The following NIBAN2 variants were observed in gnomAD, a reference collection of about 807,000 sequenced individuals.
The protein encoded by NIBAN2 is protein Niban 2.
NIBAN2 carries 36 observed loss-of-function variants against 81.8 expected under a neutral mutation model. The observed-to-expected ratio is 0.44, with a 90% CI of 0.34 to 0.58. The LOEUF is 0.58. Ranked by LOEUF, NIBAN2 falls within the 20% of genes least tolerant of loss-of-function variation. The probability of loss-of-function intolerance (pLI) is 0.02; values close to 1 mark genes in which losing one functional copy is unlikely to be tolerated. For synonymous variants in NIBAN2, 445 were observed against 441.6 expected (o/e 1.01, Z -0.10); for missense variants, 897 against 1,014.1 (o/e 0.88, Z 1.57).
At chr9:127,548,651 A>G (rs570708929) in intron 1 of NIBAN2, among the ~76,000 whole-genome samples, 1 of 152,120 alleles carries the variant, frequency 6.6e-6, no homozygotes, top group Non-Finnish European at 1.5e-5. Flanking sequence ...AGACATCCAG[A>G]TCGATGCTAA....
intron 1 of NIBAN2, among the ~76,000 whole-genome samples, chr9:127,541,183 AGGT>A (rs942977910): frequency 6.6e-6 from 1 of 152,210 alleles, no homozygotes; most frequent in African/African-American, 2.4e-5. Flanking sequence ...GGGTCCAGAA[AGGT>A]GGTGACACTC....
Position 127,509,070 on chromosome 9 carries a change from T to C in NIBAN2, c.1223A>G (p.Lys408Arg). Residue 408 changes from lysine (K) to arginine (R), a missense_variant, in exon 10 of 14, where the codon AAG becomes AGG. Lys to Arg is a conservative substitution (Grantham distance 26). Around this residue, in one of 3 missense-constraint regions of NIBAN2, gnomAD observed 619 missense variants for 691.0 expected, o/e 0.90. Transcript: ENST00000373312. Reference sequence around the variant, plus strand: ...CCCGTCCAGTCGCAGCGACTCCATCTTCTCATAGCAGCTCTGCATCTTCAG... The same window carrying C: ...CCCGTCCAGTCGCAGCGACTCCATCCTCTCATAGCAGCTCTGCATCTTCAG... Reference protein sequence around the residue: ...HPLKMQSCYEKMESLRLDGLQ... With the variant: ...HPLKMQSCYERMESLRLDGLQ... 5 of 1,613,748 alleles carry C rather than the reference T, an allele frequency of 3.1e-6. No homozygotes were observed. The highest frequency in any genetic ancestry group is 4.2e-6 in the Non-Finnish European group (5 of 1,179,930).
chr9:127,575,104 A>G (rs1171032508), intron 1 of NIBAN2, among the ~76,000 whole-genome samples: 2 of 152,188 alleles, frequency 1.3e-5, no homozygotes, highest in South Asian at 2.1e-4. Context: ...GACTCCAGAC[A>G]TGGCACTGGG....
intron 1 of NIBAN2, among the ~76,000 whole-genome samples, chr9:127,535,583 G>C (rs1837261170): frequency 6.6e-6 from 1 of 152,150 alleles, no homozygotes; most frequent in Non-Finnish European, 1.5e-5. Flanking sequence ...CCAGCGCAGT[G>C]CTGCCCACAG....
intron 2 of NIBAN2, among the ~76,000 whole-genome samples, chr9:127,530,281 G>A (rs535878487): frequency 2.0e-5 from 3 of 152,336 alleles, no homozygotes; most frequent in African/African-American, 7.2e-5. Flanking sequence ...GTGATGCTCT[G>A]AGCAGCTCCG....
At chr9:127,543,931 A>G (rs1365320772) in intron 1 of NIBAN2, among the ~76,000 whole-genome samples, 4 of 152,134 alleles carry the variant, frequency 2.6e-5, no homozygotes, top group Non-Finnish European at 5.9e-5. Context: ...TATAGTCAAC[A>G]TTGTTTCATT....
At chr9:127,552,022 T>G (rs1007097352) in intron 1 of NIBAN2, among the ~76,000 whole-genome samples, 2 of 152,138 alleles carry the variant, frequency 1.3e-5, no homozygotes, top group Admixed American at 1.3e-4. Context: ...CCCATGACTC[T>G]CCAGGTCTGG....
At chr9:127,546,872 G>A (rs1837480901) in intron 1 of NIBAN2, among the ~76,000 whole-genome samples, 2 of 151,980 alleles carry the variant, frequency 1.3e-5, no homozygotes, top group East Asian at 1.9e-4. Context: ...AGCACAGGAG[G>A]TCACAGGAGC....
chr9:127,523,441 C>T (rs1836998584), intron 5 of NIBAN2, among the ~76,000 whole-genome samples: 1 of 151,352 alleles, frequency 6.6e-6, no homozygotes. Flanking sequence ...AAGGGCTCAA[C>T]AACCACACCC....
At chr9:127,570,908 G>A (rs1837938758), upstream of NIBAN2, among the ~76,000 whole-genome samples, 1 of 152,274 alleles carries the variant, frequency 6.6e-6, no homozygotes, top group African/African-American at 2.4e-5. Flanking sequence ...AGGGCACACA[G>A]TGAGGCAGAG....
At chr9:127,511,013 C>T (rs1836727573) in intron 8 of NIBAN2, among the ~76,000 whole-genome samples, 1 of 152,016 alleles carries the variant, frequency 6.6e-6, no homozygotes, top group Non-Finnish European at 1.5e-5. Context: ...AATTTTTCAG[C>T]CCTCTCCCAA....
chr9:127,546,461 C>T (rs1837473782), intron 1 of NIBAN2, among the ~76,000 whole-genome samples: 1 of 152,230 alleles, frequency 6.6e-6, no homozygotes, highest in Non-Finnish European at 1.5e-5. Context: ...GAGAACCCAC[C>T]ACCAATGTTC....
chr9:127,578,875 A>C (rs768862656), intron 1 of NIBAN2: 39 of 1,592,088 alleles, frequency 2.4e-5, no homozygotes, highest in Non-Finnish European at 3.3e-5. Flanking sequence ...CAAACAAAAA[A>C]GAACCCCGTG....
intron 1 of NIBAN2, chr9:127,561,335 G>A (rs1041424540): frequency 1.8e-5 from 18 of 976,038 alleles, no homozygotes; most frequent in Middle Eastern, 5.2e-4. Context: ...GGGGATGCAC[G>A]AGGCCACAGA....
At chr9:127,511,806 C>T (rs1470986961) in intron 8 of NIBAN2, among the ~76,000 whole-genome samples, 3 of 152,158 alleles carry the variant, frequency 2.0e-5, no homozygotes, top group African/African-American at 7.2e-5. Context: ...GGCAAACAGG[C>T]ATATGAAAGG....
Position 127,527,209 on chromosome 9 carries a change from G to C in NIBAN2, c.300C>G (p.Leu100=), listed in dbSNP as rs377205731. The C allele has an allele frequency of 9.9e-6, 16 of 1,613,672 alleles. No homozygotes were observed. The highest frequency in any genetic ancestry group is 1.7e-4 in the Middle Eastern group (1 of 6,044). Residue 100 remains leucine (L), a synonymous_variant, in exon 3 of 14, where the codon CTC becomes CTG. Coordinates refer to ENST00000373312, the MANE Select transcript of NIBAN2 (RefSeq NM_022833.4). ...SLVPHNYGLV[L]YENKAAYERQ... is the part of the protein sequence containing the mutation. ...CAGGCCTCACCGCTTTGTTTTCGTA[G>C]AGCACCAGCCCGTAGTTGTGGGGCA...
At chr9:127,552,684 G>GTTTTTT (rs919155330) in intron 1 of NIBAN2, among the ~76,000 whole-genome samples, 21 of 97,968 alleles carry the variant, frequency 2.1e-4, no homozygotes, top group East Asian at 7.5e-4. Flanking sequence ...TGGAATATTC[G>GTTTTTT]TTTTTTTTTT....
chr9:127,534,050 G>A (rs1022785494), intron 1 of NIBAN2, among the ~76,000 whole-genome samples: 3 of 152,204 alleles, frequency 2.0e-5, no homozygotes, highest in Non-Finnish European at 2.9e-5. Context: ...AGAGGGTCTC[G>A]GACCCATGAG....
chr9:127,549,012 G>A (rs564399035), intron 1 of NIBAN2, among the ~76,000 whole-genome samples: 1 of 152,244 alleles, frequency 6.6e-6, no homozygotes, highest in Admixed American at 6.5e-5. Context: ...GAGGGTCAAA[G>A]AGCACCCACC....
Sources: gnomAD v4.1 joint callset for allele counts (sites outside exome capture counted in the v4.1 genomes callset) on GRCh38, gnomAD v4.1.1 for gene constraint, gnomAD v4.1.1 regional missense constraint, MANE v1.5 for transcripts, NCBI Gene and HGNC (gene_info 2026-07-23, HGNC 2026-07-21) for gene names.